DCAF12: variants seen among roughly 807,000 people sequenced by gnomAD.
DCAF12 encodes DDB1- and CUL4-associated factor 12.
DCAF12 carries 28 observed loss-of-function variants against 52.8 expected under a neutral mutation model. The observed-to-expected ratio is 0.53, with a 90% CI of 0.39 to 0.73. DCAF12 has a LOEUF of 0.73. Ranked by LOEUF, DCAF12 falls within the 30% of genes least tolerant of loss-of-function variation. The probability of loss-of-function intolerance (pLI) is 0.00; values close to 1 mark genes in which losing one functional copy is unlikely to be tolerated. For synonymous variants in DCAF12, 196 were observed against 215.5 expected, an observed-to-expected ratio of 0.91 and a Z score of 0.79; for missense variants, 425 against 552.2, an observed-to-expected ratio of 0.77 and a Z score of 2.31.
rs150904705 is a variant in DCAF12 at position 34,102,477 on chromosome 9, A to G, written c.601+3957T>C. Among the ~76,000 whole-genome samples, 4 of 152,180 alleles carry G rather than the reference A, an allele frequency of 2.6e-5. No individual in the cohort carries two copies. In the East Asian group the frequency reaches 7.7e-4, roughly 29 times the overall value. On this transcript the variant is annotated intron_variant, in intron 4 of 8. Coordinates refer to ENST00000361264, the MANE Select transcript of DCAF12 (RefSeq NM_015397.4). ...GGAGTTTGAGACCGACCTGACCAAC[A>G]TGGTGAAACCCTGTCTCTACTAAAA...
chr9:34,092,087 T>C (rs1294745131), intron 7 of DCAF12, among the ~76,000 whole-genome samples: 1 of 152,236 alleles, frequency 6.6e-6, no homozygotes, highest in Non-Finnish European at 1.5e-5. Flanking sequence ...TTACAGAGAA[T>C]ATGTTATAAA....
intron 6 of DCAF12, among the ~76,000 whole-genome samples, chr9:34,094,237 T>G (rs551861886): frequency 3.9e-5 from 6 of 152,078 alleles, no homozygotes; most frequent in Non-Finnish European, 8.8e-5. Flanking sequence ...AGATGCCATC[T>G]CTACTAAAAA....
rs1829227167 is a variant in DCAF12 at position 34,125,116 on chromosome 9, C to T, written c.240G>A (p.Lys80=). The T allele has an allele frequency of 1.1e-5, 17 of 1,614,136 alleles. No individual in the cohort carries two copies. The highest frequency in any genetic ancestry group is 1.4e-5 in the Non-Finnish European group (17 of 1,180,018). ...GGGTCCCAAGGTGAAACTCTCTCTC[C>T]TTCAGGAGACTGGGAAGTTGCTGTG... is the stretch of plus-strand genomic sequence containing the variant. ...YAAQQLPSLL[K]EREFHLGTLN... The change falls in exon 2 of 9, where the codon AAG becomes AAA. Residue 80 remains lysine (K), a synonymous_variant. Coordinates refer to ENST00000361264, the MANE Select transcript of DCAF12 (RefSeq NM_015397.4).
intron 1 of DCAF12, 130 bp downstream of exon 1, chr9:34,126,224 C>A: frequency 8.4e-7 from 1 of 1,186,786 alleles, no homozygotes. Context: ...CCCTATAGGC[C>A]CTGAACCCAT....
At chr9:34,101,717 G>A (rs948603578) in intron 4 of DCAF12, among the ~76,000 whole-genome samples, 3 of 151,906 alleles carry the variant, frequency 2.0e-5, no homozygotes, top group Admixed American at 6.6e-5. Flanking sequence ...AAGAATGACT[G>A]TTCTAGACCG....
intron 2 of DCAF12, among the ~76,000 whole-genome samples, chr9:34,112,627 G>A (rs2131438727): frequency 6.6e-6 from 1 of 151,986 alleles, no homozygotes; most frequent in East Asian, 1.9e-4. Flanking sequence ...GGCTGGGTGT[G>A]GTGGCTCACA....
At chr9:34,115,366 C>G (rs1157879569) in intron 2 of DCAF12, among the ~76,000 whole-genome samples, 1 of 148,502 alleles carries the variant, frequency 6.7e-6, no homozygotes, top group Non-Finnish European at 1.5e-5. Context: ...CCGAGGCGGG[C>G]GGATCACGAG....
At chr9:34,122,166 C>A (rs1413584395) in intron 2 of DCAF12, among the ~76,000 whole-genome samples, 2 of 152,010 alleles carry the variant, frequency 1.3e-5, no homozygotes, top group African/African-American at 2.4e-5. Context: ...AGGACAAAAA[C>A]TAAGAACGAC....
At chr9:34,105,809 C>T (rs985890746) in intron 4 of DCAF12, among the ~76,000 whole-genome samples, 1 of 149,538 alleles carries the variant, frequency 6.7e-6, no homozygotes, top group Non-Finnish European at 1.5e-5. Context: ...AGTGCAGTGG[C>T]GCGATCTCAG....
intron 6 of DCAF12, among the ~76,000 whole-genome samples, chr9:34,095,446 T>C (rs1828721710): frequency 7.4e-6 from 1 of 134,662 alleles, no homozygotes; most frequent in Non-Finnish European, 1.5e-5. Flanking sequence ...AGTGGCAAAA[T>C]TACGGCTCAC....
At chr9:34,116,847 G>A (rs1262996533) in intron 2 of DCAF12, among the ~76,000 whole-genome samples, 1 of 152,028 alleles carries the variant, frequency 6.6e-6, no homozygotes, top group African/African-American at 2.4e-5. Context: ...CGGGCACAGT[G>A]ACGGGTGTGT....
intron 4 of DCAF12, among the ~76,000 whole-genome samples, chr9:34,101,064 CTTTTT>C (rs3061496): frequency 3.4e-5 from 4 of 118,354 alleles, no homozygotes; most frequent in African/African-American, 1.3e-4. Flanking sequence ...CCCTCCCCAA[CTTTTT>C]TTTTTTTTTT....
At chr9:34,126,136 G>A (rs1829246579) in intron 1 of DCAF12, among the ~76,000 whole-genome samples, 1 of 152,124 alleles carries the variant, frequency 6.6e-6, no homozygotes, top group Non-Finnish European at 1.5e-5. Context: ...CGCGGATTAT[G>A]TCCCATTCCT....
intron 4 of DCAF12, among the ~76,000 whole-genome samples, chr9:34,103,264 C>T (rs1318413344): frequency 6.7e-6 from 1 of 149,426 alleles, no homozygotes; most frequent in Admixed American, 6.7e-5. Context: ...CAAACCAGCC[C>T]GGCGTGGTGG....
chr9:34,103,974 A>T (rs1021842264), intron 4 of DCAF12, among the ~76,000 whole-genome samples: 5 of 152,182 alleles, frequency 3.3e-5, no homozygotes, highest in Non-Finnish European at 5.9e-5. Flanking sequence ...CACTTCATAG[A>T]AAAAAACATC....
Position 34,115,048 on chromosome 9 carries a change from G to A in DCAF12, c.334-7483C>T, listed in dbSNP as rs58312639. 9.2e-5 allele frequency among the ~76,000 whole-genome samples: 14 copies of A among 152,228 alleles called. No homozygotes were observed. In the East Asian group the frequency reaches 2.7e-3, roughly 29 times the overall value. On this transcript the variant is annotated intron_variant, in intron 2 of 8. Transcript: ENST00000361264. ...CTAAAATTCAAGGGTGTTTCAGACT[G>A]GAGCCCAATGAGAAAGGAAAGTAAT...
chr9:34,093,614 A>C, intron 6 of DCAF12, 166 bp from the exon 7 acceptor site: 1 of 670,930 alleles, frequency 1.5e-6, no homozygotes, highest in Non-Finnish European at 2.5e-6. Context: ...ATACAGGAGA[A>C]AGAGGAGGTG....
intron 2 of DCAF12, among the ~76,000 whole-genome samples, chr9:34,118,342 C>T (rs182638027): frequency 3.2e-4 from 48 of 152,174 alleles, no homozygotes; most frequent in African/African-American, 1.1e-3. Context: ...TCATGTTGGC[C>T]GGGCTGGTCT....
Position 34,088,226 on chromosome 9 carries a change from AG to A in DCAF12, c.*123del, listed in dbSNP as rs1284531392. ...TCTTCCTATTAAGTGCCTAAACTATAGGCAAACTTTGGTGTTCCCACTAAAA... is the reference window on the plus strand; with the variant it reads ...TCTTCCTATTAAGTGCCTAAACTATAGCAAACTTTGGTGTTCCCACTAAAA... On this transcript the variant is annotated 3_prime_UTR_variant, in exon 9 of 9. Transcript: ENST00000361264. 9.0e-7 allele frequency: 1 copy of A among 1,116,290 alleles called. No homozygotes were observed. The highest frequency in any genetic ancestry group is 1.6e-5 in the African/African-American group (1 of 62,188). 69.1% of individuals were successfully genotyped at this position (1,116,290 alleles called of 1,614,324 possible).
Sources: gnomAD v4.1 joint callset for allele counts (sites outside exome capture counted in the v4.1 genomes callset) on GRCh38, gnomAD v4.1.1 for gene constraint, MANE v1.5 for transcripts, NCBI Gene and HGNC (gene_info 2026-07-23, HGNC 2026-07-21) for gene names.